The following NR2C2 variants were observed in gnomAD, a reference collection of about 807,000 sequenced individuals.
NR2C2 encodes nuclear receptor subfamily 2 group C member 2.
In NR2C2, 6 loss-of-function variants were observed where a neutral mutation model predicts 62.9. The observed-to-expected ratio is 0.10, with a 90% CI of 0.05 to 0.19. The LOEUF (loss-of-function observed/expected upper bound fraction) is 0.19. NR2C2 is among the 10% of genes least tolerant of loss of function. The pLI is 1.00. For missense variants in NR2C2, 479 were observed against 762.7 expected (o/e 0.63, Z 4.38); for synonymous variants, 272 against 273.8 (o/e 0.99, Z 0.07).
At chr3:14,977,961 A>AAAGAAG (rs558398719) in intron 1 of NR2C2, among the ~76,000 whole-genome samples, 1 of 148,828 alleles carries the variant, frequency 6.7e-6, no homozygotes, top group African/African-American at 2.5e-5. Flanking sequence ...AAAAAAAAAA[A>AAAGAAG]AAGAAGAAGA....
intron 10 of NR2C2, among the ~76,000 whole-genome samples, chr3:15,032,951 A>C (rs1201854609): frequency 6.6e-6 from 1 of 151,750 alleles, no homozygotes; most frequent in Non-Finnish European, 1.5e-5. Context: ...ACCTGGTGTC[A>C]TCTCTACAGG....
rs561728465 is a variant in NR2C2 at position 15,037,023 on chromosome 3, G to A, written c.1373-977G>A. On this transcript the variant is annotated intron_variant, in intron 11 of 13. Coordinates refer to ENST00000425241, the MANE Select transcript of NR2C2 (RefSeq NM_001291694.2). ...TGTAATCCCAGTTACTTGCTAGGCT[G>A]AGGTAGGAAAATCGCTTGAACCTGG... Among the ~76,000 whole-genome samples the A allele has an allele frequency of 6.6e-5, 10 of 152,120 alleles. No homozygotes were observed. In the East Asian group the frequency reaches 1.7e-3, roughly 26 times the overall value.
rs2042449100 is a variant in NR2C2, at chr3:15,046,311, TTC to T, written c.*3305_*3306del. On this transcript the variant is annotated 3_prime_UTR_variant, in exon 14 of 14. Transcript: ENST00000425241. ...CATTGTCAGTATTGAATGTGGACTC[TTC>T]TGAGGCAGTTAGGACACCAGCCATG... The T allele has an allele frequency of 6.6e-6, 1 of 152,230 alleles. No individual in the cohort carries two copies. Among genetic ancestry groups the T allele is most frequent in the Non-Finnish European group, 1.5e-5 (1 of 68,050 alleles). 9.4% of individuals were successfully genotyped at this position (152,230 alleles called of 1,614,324 possible).
At chr3:15,039,335 T>TA (rs762375433) in intron 13 of NR2C2, 108 bp downstream of exon 13, 1 of 730,220 alleles carries the variant, frequency 1.4e-6, no homozygotes, top group Middle Eastern at 2.6e-4. Context: ...AGCAGCCTGA[T>TA]AGAGCCTCCA....
chr3:15,025,032 C>T (rs1018450069), intron 7 of NR2C2, among the ~76,000 whole-genome samples: 5 of 152,226 alleles, frequency 3.3e-5, no homozygotes, highest in Admixed American at 3.3e-4. Context: ...ATGCCTTGGT[C>T]CTCAGGCTGG....
chr3:15,031,416 T>C (rs34520640), intron 9 of NR2C2, among the ~76,000 whole-genome samples: 1 of 151,788 alleles, frequency 6.6e-6, no homozygotes, highest in Non-Finnish European at 1.5e-5. Context: ...CGTAGTGATG[T>C]GATTGTGGCT....
At chr3:15,023,052 TG>T in intron 5 of NR2C2, 147 bp from the exon 6 acceptor site, 1 of 832,558 alleles carries the variant, frequency 1.2e-6, no homozygotes, top group Non-Finnish European at 1.8e-6. Flanking sequence ...TCCTTCTCTC[TG>T]GCCGAAAAGT....
At chr3:15,007,237 C>T (rs2041204608) in intron 2 of NR2C2, among the ~76,000 whole-genome samples, 1 of 151,512 alleles carries the variant, frequency 6.6e-6, no homozygotes, top group Non-Finnish European at 1.5e-5. Context: ...ATGCCATTCT[C>T]CTGCCTCAGC....
chr3:15,030,432 G>A lies in NR2C2; in HGVS notation c.1090G>A (p.Asp364Asn), dbSNP rs2041950081. The A allele has an allele frequency of 6.2e-7, 1 of 1,601,480 alleles. No individual in the cohort carries two copies. Among genetic ancestry groups the A allele is most frequent in the Non-Finnish European group, 8.5e-7 (1 of 1,176,086 alleles). Residue 364 changes from aspartate to asparagine, a missense_variant, in exon 9 of 14, where the codon GAC becomes AAC. Asp to Asn is a conservative substitution (Grantham distance 23). This residue lies in a region of NR2C2 where 162 missense variants were observed against 296.8 expected (regional missense o/e 0.55). Transcript: ENST00000425241. ...IIEVEGPLLS[D>N]THVTFKLTMP... ...TGAGGTTGAAGGCCCCCTCCTTTCA[G>A]ACACACACGTCACATTTAAGGTGAG...
intron 1 of NR2C2, among the ~76,000 whole-genome samples, chr3:14,976,953 G>T (rs1251931676): frequency 6.6e-6 from 1 of 151,998 alleles, no homozygotes. Flanking sequence ...ATGTCCTGTA[G>T]TATATATATT....
chr3:14,949,178 G>A (rs1253443958), intron 1 of NR2C2, among the ~76,000 whole-genome samples: 1 of 133,248 alleles, frequency 7.5e-6, no homozygotes, highest in African/African-American at 2.9e-5. Context: ...CTAGAGTTGG[G>A]GGCTGGGGGG....
intron 7 of NR2C2, among the ~76,000 whole-genome samples, chr3:15,025,031 T>C (rs986528429): frequency 2.0e-5 from 3 of 152,220 alleles, no homozygotes; most frequent in Non-Finnish European, 4.4e-5. Flanking sequence ...CATGCCTTGG[T>C]CCTCAGGCTG....
chr3:14,982,735 C>G (rs1397459433), intron 1 of NR2C2, among the ~76,000 whole-genome samples: 1 of 151,970 alleles, frequency 6.6e-6, no homozygotes, highest in Non-Finnish European at 1.5e-5. Context: ...ACAGTCTTAT[C>G]TTTTTCTTTC....
chr3:14,962,332 G>A (rs572972671), intron 1 of NR2C2: 8 of 152,776 alleles, frequency 5.2e-5, no homozygotes, highest in African/African-American at 1.7e-4. Context: ...TACCAAAGAT[G>A]AATTTTGATT....
At chr3:14,958,677 G>A (rs1302857946) in intron 1 of NR2C2, among the ~76,000 whole-genome samples, 1 of 152,014 alleles carries the variant, frequency 6.6e-6, no homozygotes, top group Non-Finnish European at 1.5e-5. Flanking sequence ...GGATTTTTTT[G>A]TTGTTGTTGT....
chr3:14,981,104 A>G (rs923406057), intron 1 of NR2C2, among the ~76,000 whole-genome samples: 7 of 152,232 alleles, frequency 4.6e-5, no homozygotes, highest in African/African-American at 1.7e-4. Flanking sequence ...TACCATAGTA[A>G]CAATAATAGC....
intron 1 of NR2C2, among the ~76,000 whole-genome samples, chr3:14,986,167 G>A (rs1332721970): frequency 1.3e-5 from 2 of 151,906 alleles, no homozygotes; most frequent in East Asian, 3.9e-4. Context: ...GAAAATAAAA[G>A]CATTCATATG....
At chr3:14,959,701 G>A (rs1277857606) in intron 1 of NR2C2, 3 of 152,166 alleles carry the variant, frequency 2.0e-5, no homozygotes, top group Admixed American at 1.3e-4. Context: ...AAAGAGAGGC[G>A]TTTAAGATGA....
At chr3:15,041,390 G>C (rs1288730493) in intron 13 of NR2C2, among the ~76,000 whole-genome samples, 2 of 152,150 alleles carry the variant, frequency 1.3e-5, no homozygotes, top group East Asian at 1.9e-4. Flanking sequence ...CGTGTGCCCT[G>C]CAAGATTGGA....
Sources: allele counts gnomAD v4.1 joint callset (sites outside exome capture counted in the v4.1 genomes callset), GRCh38; gene constraint gnomAD v4.1.1; regional missense constraint gnomAD v4.1.1; transcripts MANE v1.5; gene names NCBI Gene and HGNC (gene_info 2026-07-23, HGNC 2026-07-21).